JMJD1C: variants seen among roughly 807,000 people sequenced by gnomAD.
JMJD1C encodes jumonji domain containing 1C, also known as jumonji domain-containing protein 1C.
Under a neutral mutation model 245.3 loss-of-function variants are expected in JMJD1C, and 31 were observed. The ratio of observed to expected loss-of-function variants is 0.13; its 90% CI spans 0.09 to 0.17. JMJD1C has a LOEUF of 0.17. JMJD1C is among the 10% of genes least tolerant of loss of function. JMJD1C has a pLI of 1.00. For synonymous variants in JMJD1C, 1,057 were observed against 1,017.4 expected, an observed-to-expected ratio of 1.04 and a Z score of -0.74; for missense variants, 2,691 against 3,000.2, an observed-to-expected ratio of 0.90 and a Z score of 2.41.
chr10:63,340,541 A>G (rs1241078644), intron 2 of JMJD1C, among the ~76,000 whole-genome samples: 1 of 152,240 alleles, frequency 6.6e-6, no homozygotes, highest in Non-Finnish European at 1.5e-5. Context: ...TTATGTTTAT[A>G]TCACAGAAAG....
intron 1 of JMJD1C, among the ~76,000 whole-genome samples, chr10:63,396,975 G>A (rs1414156625): frequency 6.8e-6 from 1 of 146,628 alleles, no homozygotes; most frequent in Non-Finnish European, 1.5e-5. Flanking sequence ...CGTTGTCTAA[G>A]CTGGAGTTAA....
chr10:63,207,605 A>C lies in JMJD1C; in HGVS notation c.4064T>G (p.Ile1355Ser). ...ACTGTCTGAATTCACATTTGGCAAAATGATTCTTCCAGTTTCTCCGGCTTC... is the reference window on the plus strand; with the variant it reads ...ACTGTCTGAATTCACATTTGGCAAACTGATTCTTCCAGTTTCTCCGGCTTC... Reference protein sequence around the residue: ...LAEAGETGRIILPNVNSDSVH... With the variant: ...LAEAGETGRISLPNVNSDSVH... Residue 1355 changes from isoleucine (I) to serine (S), a missense_variant, in exon 10 of 26, where the codon ATT (isoleucine) becomes AGT (serine). This residue lies in a region of JMJD1C where 1,562 missense variants were observed against 1,490.7 expected (regional missense o/e 1.05). Transcript: ENST00000399262. 1 of 1,614,130 alleles carries C rather than the reference A, an allele frequency of 6.2e-7. No individual in the cohort carries two copies. Among genetic ancestry groups the C allele is most frequent in the Non-Finnish European group, 8.5e-7 (1 of 1,180,020 alleles).
rs373302701 is a variant in JMJD1C at position 63,213,619 on chromosome 10, G to A, written c.2548C>T (p.Pro850Ser). 1.6e-5 allele frequency: 26 copies of A among 1,614,064 alleles called. No individual in the cohort carries two copies. The highest frequency in any genetic ancestry group is 2.1e-5 in the Non-Finnish European group (25 of 1,179,998). ...CCAAGCTGATTATATGAAGCAGAAG[G>A]ATGGGCTTGTCCAAGAAGATGAGGT... Reference protein sequence around the residue: ...QSPHLLGQAHPSASYNQLGLY... With the variant: ...QSPHLLGQAHSSASYNQLGLY... The change falls in exon 8 of 26, where the codon CCT (proline) becomes TCT (serine). Residue 850 changes from proline (P) to serine (S), a missense_variant. Around this residue, in one of 9 missense-constraint regions of JMJD1C, gnomAD observed 1,562 missense variants for 1,490.7 expected, o/e 1.05. Transcript: ENST00000399262.
intron 4 of JMJD1C, among the ~76,000 whole-genome samples, chr10:63,218,534 T>G (rs1043495200): frequency 1.3e-5 from 2 of 152,098 alleles, no homozygotes; most frequent in Non-Finnish European, 2.9e-5. Flanking sequence ...GACATGCTTA[T>G]AGAGTAACTC....
chr10:63,285,132 A>G (rs944570338), intron 2 of JMJD1C, among the ~76,000 whole-genome samples: 3 of 152,138 alleles, frequency 2.0e-5, no homozygotes, highest in African/African-American at 4.8e-5. Context: ...TACACCATTG[A>G]TAACAAAATG....
At chr10:63,500,875 G>T (rs1006197048) in intron 1 of JMJD1C, among the ~76,000 whole-genome samples, 4 of 152,138 alleles carry the variant, frequency 2.6e-5, no homozygotes, top group African/African-American at 9.7e-5. Flanking sequence ...ATAAATGTAT[G>T]TTTAACTATA....
intron 1 of JMJD1C, among the ~76,000 whole-genome samples, chr10:63,487,179 A>G (rs1954026607): frequency 6.6e-6 from 1 of 152,248 alleles, no homozygotes. Flanking sequence ...CCCATGAAAA[A>G]TGGGAGAATG....
intron 23 of JMJD1C, 161 bp downstream of exon 23, chr10:63,177,556 G>T (rs1006099236): frequency 1.0e-5 from 7 of 688,160 alleles, no homozygotes; most frequent in African/African-American, 1.8e-5. Context: ...TCAAAGAGGA[G>T]CAAGAGAAAC....
chr10:63,303,233 T>C (rs1860309231), intron 2 of JMJD1C, among the ~76,000 whole-genome samples: 1 of 152,262 alleles, frequency 6.6e-6, no homozygotes, highest in Non-Finnish European at 1.5e-5. Context: ...AATGCTTGTA[T>C]GTATTGTGAC....
intron 1 of JMJD1C, among the ~76,000 whole-genome samples, chr10:63,446,119 C>T (rs1951706495): frequency 6.6e-6 from 1 of 151,896 alleles, no homozygotes; most frequent in Admixed American, 6.6e-5. Flanking sequence ...AAGCAATGTA[C>T]CCGCCTTGGC....
intron 24 of JMJD1C, among the ~76,000 whole-genome samples, chr10:63,175,836 G>T (rs923677169): frequency 6.6e-6 from 1 of 152,038 alleles, no homozygotes; most frequent in Non-Finnish European, 1.5e-5. Context: ...TTTAAACTAG[G>T]TATTTATTTT....
intron 1 of JMJD1C, among the ~76,000 whole-genome samples, chr10:63,497,997 A>T (rs1010380856): frequency 6.6e-6 from 1 of 152,218 alleles, no homozygotes; most frequent in African/African-American, 2.4e-5. Context: ...AATCACTATG[A>T]GTTGTGCAGT....
chr10:63,516,972 CAGAA>C (rs1382466843), intron 1 of JMJD1C, among the ~76,000 whole-genome samples: 1 of 152,156 alleles, frequency 6.6e-6, no homozygotes, highest in Non-Finnish European at 1.5e-5. Context: ...TAGCAGCAGA[CAGAA>C]AAAGAACAGC....
intron 3 of JMJD1C, chr10:63,222,810 T>C (rs1215733756): frequency 3.5e-6 from 5 of 1,446,038 alleles, no homozygotes; most frequent in Admixed American, 3.3e-5. Context: ...AAATTAATGA[T>C]TGAGACAGAT....
At chr10:63,401,141 G>A (rs1035617781) in intron 1 of JMJD1C, among the ~76,000 whole-genome samples, 1 of 152,180 alleles carries the variant, frequency 6.6e-6, no homozygotes, top group Non-Finnish European at 1.5e-5. Flanking sequence ...CTACAGGCGT[G>A]AGCCACTGCA....
intron 2 of JMJD1C, among the ~76,000 whole-genome samples, chr10:63,355,955 T>A (rs1944807262): frequency 6.6e-6 from 1 of 152,194 alleles, no homozygotes; most frequent in African/African-American, 2.4e-5. Flanking sequence ...AATAAATTCA[T>A]CTTGTGTTCC....
chr10:63,200,788 G>A (rs1845921318), intron 10 of JMJD1C, 111 bp from the exon 11 acceptor site: 5 of 899,406 alleles, frequency 5.6e-6, no homozygotes, highest in Non-Finnish European at 8.6e-6. Context: ...TAAGACTTTA[G>A]TAAAGAAGCA....
chr10:63,296,943 C>G (rs1018801070), intron 2 of JMJD1C, among the ~76,000 whole-genome samples: 5 of 152,268 alleles, frequency 3.3e-5, no homozygotes, highest in African/African-American at 1.2e-4. Flanking sequence ...TCAGGTTACA[C>G]ATTTCTTCAA....
At chr10:63,429,536 A>G (rs1425048830) in intron 1 of JMJD1C, among the ~76,000 whole-genome samples, 9 of 152,226 alleles carry the variant, frequency 5.9e-5, no homozygotes, top group Non-Finnish European at 1.5e-5. Flanking sequence ...TGACCAACAC[A>G]GATGCATAAA....
Sources: allele counts gnomAD v4.1 joint callset (sites outside exome capture counted in the v4.1 genomes callset), GRCh38; gene constraint gnomAD v4.1.1; regional missense constraint gnomAD v4.1.1; transcripts MANE v1.5; gene names NCBI Gene and HGNC (gene_info 2026-07-23, HGNC 2026-07-21).